The following SLCO3A1 variants were observed in gnomAD, a reference collection of about 807,000 sequenced individuals.
SLCO3A1 encodes the protein solute carrier organic anion transporter family member 3A1, also known as PGE1 transporter.
A neutral mutation model predicts 63.1 loss-of-function variants in SLCO3A1; 27 were observed. The observed-to-expected ratio is 0.43, with a 90% CI of 0.32 to 0.59. The LOEUF (loss-of-function observed/expected upper bound fraction) is 0.59, where lower values mean the gene tolerates loss of function less well. SLCO3A1 is among the 20% of genes least tolerant of loss of function. SLCO3A1 has a pLI of 0.09. For missense variants in SLCO3A1, 773 were observed against 945.8 expected (o/e 0.82, Z 2.40); for synonymous variants, 473 against 409.9 (o/e 1.15, Z -1.86).
At chr15:92,161,020 C>T (rs2048430362) in intron 9 of SLCO3A1, among the ~76,000 whole-genome samples, 1 of 152,094 alleles carries the variant, frequency 6.6e-6, no homozygotes, top group Admixed American at 6.5e-5. Flanking sequence ...CTCAGAGGGA[C>T]CTTCCTTAAT....
At chr15:92,133,254 A>G (rs1187542013) in intron 7 of SLCO3A1, among the ~76,000 whole-genome samples, 1 of 146,552 alleles carries the variant, frequency 6.8e-6, no homozygotes, top group Non-Finnish European at 1.5e-5. Flanking sequence ...CATAGAAGGG[A>G]TGAGGCATGT....
chr15:91,906,711 T>A (rs1567179530), intron 1 of SLCO3A1, among the ~76,000 whole-genome samples: 3 of 152,194 alleles, frequency 2.0e-5, no homozygotes, highest in African/African-American at 7.2e-5. Context: ...ACCACAGAAG[T>A]TGGTGTGTTA....
chr15:91,957,557 C>T (rs1459287455), intron 2 of SLCO3A1, among the ~76,000 whole-genome samples: 5 of 152,098 alleles, frequency 3.3e-5, no homozygotes, highest in African/African-American at 1.2e-4. Context: ...GTTCCCACCT[C>T]AGGGCCTTTA....
At chr15:91,899,621 A>G (rs971804020) in intron 1 of SLCO3A1, among the ~76,000 whole-genome samples, 2 of 152,052 alleles carry the variant, frequency 1.3e-5, no homozygotes, top group African/African-American at 4.8e-5. Context: ...TTGGGGTATA[A>G]TTTATATACC....
rs139655002 is a variant in SLCO3A1, at chr15:91,957,263, G to A, written c.646+40805G>A. On this transcript the variant is annotated intron_variant, in intron 2 of 9. Transcript: ENST00000318445. ...GCTAGGATGACAGGCATGAACCACC[G>A]GACCTGGCTGCCTCCTTGACTTCTA... Among the ~76,000 whole-genome samples, 221 of 140,994 alleles carry A rather than the reference G, an allele frequency of 1.6e-3. 1 individual carries two copies. Among genetic ancestry groups the A allele is most frequent in the African/African-American group, 5.7e-3 (213 of 37,064 alleles). 92.5% of individuals were successfully genotyped at this position (140,994 alleles called of 152,430 possible).
chr15:92,146,246 G>GA (rs1299700244), intron 7 of SLCO3A1, among the ~76,000 whole-genome samples: 1 of 152,208 alleles, frequency 6.6e-6, no homozygotes, highest in Non-Finnish European at 1.5e-5. Flanking sequence ...GTGAGTGGGG[G>GA]AGAGGACCCT....
At chr15:92,092,587 C>T (rs2047490226) in intron 2 of SLCO3A1, among the ~76,000 whole-genome samples, 1 of 152,054 alleles carries the variant, frequency 6.6e-6, no homozygotes, top group Admixed American at 6.5e-5. Context: ...GGCTTCAGGA[C>T]TTTGCAGGAA....
intron 2 of SLCO3A1, among the ~76,000 whole-genome samples, chr15:92,022,496 T>C (rs1167309858): frequency 3.9e-5 from 6 of 152,184 alleles, no homozygotes. Context: ...TCTTGCCTTG[T>C]AGGAGTGGTC....
At chr15:91,990,898 C>T (rs1941579020) in intron 2 of SLCO3A1, among the ~76,000 whole-genome samples, 1 of 152,102 alleles carries the variant, frequency 6.6e-6, no homozygotes, top group Admixed American at 6.5e-5. Flanking sequence ...CTGACCTTGG[C>T]CTCAGTGTTG....
At chr15:92,143,894 C>T (rs2048184295) in intron 7 of SLCO3A1, among the ~76,000 whole-genome samples, 2 of 152,124 alleles carry the variant, frequency 1.3e-5, no homozygotes, top group African/African-American at 4.8e-5. Flanking sequence ...GGAAGCTGTG[C>T]GGCATGGCTG....
intron 2 of SLCO3A1, among the ~76,000 whole-genome samples, chr15:91,952,441 C>T (rs183312733): frequency 6.6e-6 from 1 of 152,212 alleles, no homozygotes; most frequent in Non-Finnish European, 1.5e-5. Context: ...GGGTGAGCAC[C>T]TGGCATAAAG....
intron 1 of SLCO3A1, among the ~76,000 whole-genome samples, chr15:91,913,567 G>A (rs1567182464): frequency 6.6e-6 from 1 of 150,466 alleles, no homozygotes; most frequent in Non-Finnish European, 1.5e-5. Flanking sequence ...TGAAAATGAG[G>A]CTAAGAGGAA....
chr15:91,949,636 A>G lies in SLCO3A1; in HGVS notation c.646+33178A>G, dbSNP rs186748893. ...CAGAGTGAGACTCTGTCCCCCCAAA[A>G]GAAGAGTAACTGTAGGTGAATTGCC... On this transcript the variant is annotated intron_variant, in intron 2 of 9. Transcript: ENST00000318445. Among the ~76,000 whole-genome samples the G allele has an allele frequency of 2.6e-5, 4 of 152,174 alleles. No individual in the cohort carries two copies. In the East Asian group the frequency reaches 7.7e-4, roughly 29 times the overall value.
chr15:92,065,495 T>A (rs2047139979), intron 2 of SLCO3A1, among the ~76,000 whole-genome samples: 1 of 152,066 alleles, frequency 6.6e-6, no homozygotes, highest in Admixed American at 6.6e-5. Context: ...AAAATAAAAT[T>A]TTTAAAGAAG....
Position 91,875,938 on chromosome 15 carries a change from A to G in SLCO3A1, c.180+21850A>G, listed in dbSNP as rs1213432989. 1.3e-5 allele frequency among the ~76,000 whole-genome samples: 2 copies of G among 152,204 alleles called. No individual in the cohort carries two copies. Among genetic ancestry groups the G allele is most frequent in the African/African-American group, 2.4e-5 (1 of 41,448 alleles). Reference sequence around the variant, plus strand: ...AATAGCTGCTATCTGGCCTTTACAGAAAAGGTTTGCTACCCCTGCTCTAGA... The same window carrying G: ...AATAGCTGCTATCTGGCCTTTACAGGAAAGGTTTGCTACCCCTGCTCTAGA... On this transcript the variant is annotated intron_variant, in intron 1 of 9. Coordinates refer to ENST00000318445, the MANE Select transcript of SLCO3A1 (RefSeq NM_013272.4). The surrounding 1 kb of genome is among the most constrained non-coding windows in gnomAD (Gnocchi z 4.5).
rs770075106 is a variant in SLCO3A1, at chr15:92,162,910, C to T, written c.1908C>T (p.Phe636=). The T allele has an allele frequency of 8.1e-6, 13 of 1,614,184 alleles. No individual in the cohort carries two copies. The highest frequency in any genetic ancestry group is 4.5e-5 in the East Asian group (2 of 44,884). Residue 636 remains phenylalanine (F), a synonymous_variant, in exon 10 of 10, where the codon TTC becomes TTT. Transcript: ENST00000318445. ...YVSIAIALKS[F]AFILYTTTWQ... is the part of the protein sequence containing the mutation. Reference sequence around the variant, plus strand: ...GCATCGCCATCGCGCTCAAATCCTTCGCCTTCATCCTGTACACCACCACGT... The same window carrying T: ...GCATCGCCATCGCGCTCAAATCCTTTGCCTTCATCCTGTACACCACCACGT...
intron 2 of SLCO3A1, among the ~76,000 whole-genome samples, chr15:92,043,615 C>A (rs1163824986): frequency 6.6e-6 from 1 of 152,220 alleles, no homozygotes; most frequent in Admixed American, 6.5e-5. Context: ...CATGCATAGA[C>A]AAGTTTTATT....
At chr15:92,105,728 A>G (rs1479550861) in intron 4 of SLCO3A1, among the ~76,000 whole-genome samples, 1 of 152,176 alleles carries the variant, frequency 6.6e-6, no homozygotes, top group Non-Finnish European at 1.5e-5. Context: ...AGCCAGGAGC[A>G]AGGTCAGGCA....
intron 3 of SLCO3A1, among the ~76,000 whole-genome samples, chr15:92,100,499 T>G (rs2047592691): frequency 6.6e-6 from 1 of 152,254 alleles, no homozygotes; most frequent in South Asian, 2.1e-4. Context: ...GACAGATTGG[T>G]GCTTTCAGTT....
Sources: gnomAD v4.1 joint callset for allele counts (sites outside exome capture counted in the v4.1 genomes callset) on GRCh38, gnomAD v4.1.1 for gene constraint, Gnocchi (gnomAD v3.1) non-coding constraint, MANE v1.5 for transcripts, NCBI Gene and HGNC (gene_info 2026-07-23, HGNC 2026-07-21) for gene names.